Variants in PLA2G4A observed in about 807,000 individuals in gnomAD.
PLA2G4A encodes the protein phospholipase A2 group IVA, also known as cytosolic phospholipase A2.
Under a neutral mutation model 81.9 loss-of-function variants are expected in PLA2G4A, and 40 were observed. That is an observed-to-expected ratio of 0.49 (90% CI 0.38 to 0.64). The LOEUF (loss-of-function observed/expected upper bound fraction) is 0.64. Among genes scored for constraint, PLA2G4A ranks in the 30% least tolerant of loss-of-function variants. The pLI, the probability that PLA2G4A is intolerant of heterozygous loss-of-function variation, is 0.00. For missense variants in PLA2G4A, 715 were observed against 905.1 expected (o/e 0.79, Z 2.69); for synonymous variants, 302 against 296.9 (o/e 1.02, Z -0.18).
chr1:186,854,515 T>G (rs914093152), intron 2 of PLA2G4A, 128 bp downstream of exon 2: 1 of 715,164 alleles, frequency 1.4e-6, no homozygotes, highest in Non-Finnish European at 2.6e-6. Flanking sequence ...TCATATGAAC[T>G]TAATATAATA....
intron 7 of PLA2G4A, among the ~76,000 whole-genome samples, chr1:186,930,759 C>A (rs1655714223): frequency 6.6e-6 from 1 of 152,062 alleles, no homozygotes; most frequent in Admixed American, 6.6e-5. Context: ...AATTGTTTTT[C>A]CTCAATGCCC....
intron 13 of PLA2G4A, among the ~76,000 whole-genome samples, chr1:186,951,453 T>TTA (rs1553219466): frequency 0.021 from 3,189 of 150,038 alleles, 127 homozygotes; most frequent in African/African-American, 0.074. Flanking sequence ...TCCCAATAGT[T>TTA]AAAAAAAAGC....
chr1:186,869,296 A>T (rs996419553), intron 2 of PLA2G4A, among the ~76,000 whole-genome samples: 3 of 152,152 alleles, frequency 2.0e-5, no homozygotes, highest in Non-Finnish European at 1.5e-5. Context: ...TTGGCTACTC[A>T]ACTCTTGGAT....
At chr1:186,929,067 G>T (rs575681744) in intron 7 of PLA2G4A, among the ~76,000 whole-genome samples, 6 of 152,240 alleles carry the variant, frequency 3.9e-5, no homozygotes, top group African/African-American at 1.4e-4. Flanking sequence ...ACATAAAATT[G>T]TCCTGACATT....
chr1:186,911,543 C>CT (rs1161259896), intron 7 of PLA2G4A, among the ~76,000 whole-genome samples, 154 bp downstream of exon 7: 1 of 152,068 alleles, frequency 6.6e-6, no homozygotes, highest in Non-Finnish European at 1.5e-5. Flanking sequence ...AATGAAAACT[C>CT]TTTGAGGAAG....
chr1:186,900,183 G>A (rs1009661782), intron 5 of PLA2G4A, among the ~76,000 whole-genome samples: 2 of 152,114 alleles, frequency 1.3e-5, no homozygotes, highest in African/African-American at 4.8e-5. Context: ...CACTTCCCAA[G>A]ATGAAATCAT....
chr1:186,959,436 C>T (rs369753186), intron 14 of PLA2G4A, among the ~76,000 whole-genome samples: 12 of 151,994 alleles, frequency 7.9e-5, no homozygotes, highest in Admixed American at 3.3e-4. Context: ...AAATTAATGA[C>T]GTTTGGAAAG....
intron 1 of PLA2G4A, among the ~76,000 whole-genome samples, chr1:186,851,669 A>T (rs947073379): frequency 2.0e-5 from 3 of 152,026 alleles, no homozygotes; most frequent in African/African-American, 7.2e-5. Flanking sequence ...TATATCACTC[A>T]ATATAGGTAT....
chr1:186,903,790 A>T (rs1410862502), intron 5 of PLA2G4A, among the ~76,000 whole-genome samples: 2 of 152,210 alleles, frequency 1.3e-5, no homozygotes, highest in African/African-American at 4.8e-5. Context: ...TTCATTATAT[A>T]TTACAATGTA....
chr1:186,930,360 CA>C (rs1362935784), intron 7 of PLA2G4A, among the ~76,000 whole-genome samples: 1 of 152,180 alleles, frequency 6.6e-6, no homozygotes, highest in Non-Finnish European at 1.5e-5. Context: ...GGTTACCTAA[CA>C]TATGAATTCT....
chr1:186,831,032 C>T (rs1025484552), intron 1 of PLA2G4A, among the ~76,000 whole-genome samples: 16 of 141,350 alleles, frequency 1.1e-4, no homozygotes, highest in African/African-American at 4.3e-4. Flanking sequence ...TTCTTTCTTT[C>T]TTACTTTTTC....
chr1:186,904,584 G>T (rs1654668602), intron 5 of PLA2G4A, among the ~76,000 whole-genome samples: 1 of 152,228 alleles, frequency 6.6e-6, no homozygotes, highest in Non-Finnish European at 1.5e-5. Context: ...CAATGAGGAA[G>T]TGAGGATCCT....
chr1:186,979,068 G>A (rs778140463), intron 16 of PLA2G4A, among the ~76,000 whole-genome samples: 2 of 152,216 alleles, frequency 1.3e-5, no homozygotes, highest in African/African-American at 2.4e-5. Flanking sequence ...CTGTGAGTGG[G>A]TCAAGCAGGC....
At chr1:186,848,764 C>T (rs1652273718) in intron 1 of PLA2G4A, among the ~76,000 whole-genome samples, 1 of 151,848 alleles carries the variant, frequency 6.6e-6, no homozygotes, top group Admixed American at 6.6e-5. Flanking sequence ...TACATACACA[C>T]AGAAAGGGGG....
intron 5 of PLA2G4A, among the ~76,000 whole-genome samples, chr1:186,902,800 A>G (rs1384126471): frequency 2.0e-5 from 3 of 148,314 alleles, no homozygotes; most frequent in African/African-American, 2.5e-5. Flanking sequence ...CCCCACCCCT[A>G]TCTCCCCTAT....
rs1458639392 is a variant in PLA2G4A, at chr1:186,831,013, TCTTTCTTTTTCTTTCTTTCTTA to T, written c.-70+1983_-70+2004del. Among the ~76,000 whole-genome samples, 13 of 149,252 alleles carry T rather than the reference TCTTTCTTTTTCTTTCTTTCTTA, an allele frequency of 8.7e-5. No individual in the cohort carries two copies. In the East Asian group the frequency reaches 2.6e-3, roughly 29 times the overall value. On this transcript the variant is annotated intron_variant, in intron 1 of 17. Transcript: ENST00000367466. ...TTCTTTCTTTCTTTCTTTCTTTCTT[TCTTTCTTTTTCTTTCTTTCTTA>T]CTTTTTCTTTCTTTTCTTTTTCTTT...
rs555329327 is a variant in PLA2G4A, at chr1:186,858,943, A to G, written c.33+4556A>G. On this transcript the variant is annotated intron_variant, in intron 2 of 17. Coordinates refer to ENST00000367466, the MANE Select transcript of PLA2G4A (RefSeq NM_024420.3). ...CGTGTGTGTGTGTGTGTGTGTGTAAATTGTTTTAAAAAAAATTTCCTGCTC... is the reference window on the plus strand; with the variant it reads ...CGTGTGTGTGTGTGTGTGTGTGTAAGTTGTTTTAAAAAAAATTTCCTGCTC... Among the ~76,000 whole-genome samples, 251 of 151,798 alleles carry G rather than the reference A, an allele frequency of 1.7e-3. 3 individuals carry two copies. Among genetic ancestry groups the G allele is most frequent in the African/African-American group, 6.0e-3 (247 of 41,388 alleles).
intron 3 of PLA2G4A, among the ~76,000 whole-genome samples, chr1:186,891,273 C>G (rs1558406590): frequency 6.6e-6 from 1 of 151,946 alleles, no homozygotes; most frequent in African/African-American, 2.4e-5. Flanking sequence ...GGGTATCCAT[C>G]CTCTGAAGCA....
intron 6 of PLA2G4A, 97 bp from the exon 7 acceptor site, chr1:186,911,151 T>C: frequency 2.2e-6 from 2 of 927,606 alleles, no homozygotes; most frequent in South Asian, 2.6e-5. Flanking sequence ...AGTCAGCATA[T>C]ATCAGTGTAG....
Sources: gnomAD v4.1 joint callset for allele counts (sites outside exome capture counted in the v4.1 genomes callset) on GRCh38, gnomAD v4.1.1 for gene constraint, MANE v1.5 for transcripts, NCBI Gene and HGNC (gene_info 2026-07-23, HGNC 2026-07-21) for gene names.